The following TMEM132D variants were observed in gnomAD, a reference collection of about 807,000 sequenced individuals.
The protein encoded by TMEM132D is transmembrane protein 132D.
Under a neutral mutation model 62.3 loss-of-function variants are expected in TMEM132D, and 21 were observed. The ratio of observed to expected loss-of-function variants is 0.34; its 90% CI spans 0.24 to 0.49. TMEM132D has a LOEUF of 0.49. Among genes scored for constraint, TMEM132D ranks in the 20% least tolerant of loss-of-function variants. The pLI is 0.99. For missense variants in TMEM132D, 1,346 were observed against 1,402.8 expected (o/e 0.96, Z 0.65); for synonymous variants, 621 against 575.6 (o/e 1.08, Z -1.13).
At chr12:129,428,011 AAATTC>A (rs1872547005) in intron 3 of TMEM132D, among the ~76,000 whole-genome samples, 1 of 152,144 alleles carries the variant, frequency 6.6e-6, no homozygotes, top group Non-Finnish European at 1.5e-5. Flanking sequence ...ACTTCTATAA[AAATTC>A]ATATATAATA....
At position 129,363,434 on chromosome 12, in the gene TMEM132D, T is replaced by C. The variant is rs573168192; in HGVS notation, c.1116-25617A>G. 5.9e-5 allele frequency among the ~76,000 whole-genome samples: 9 copies of C among 152,372 alleles called. No individual in the cohort carries two copies. In the East Asian group the frequency reaches 1.3e-3, roughly 23 times the overall value. On this transcript the variant is annotated intron_variant, in intron 3 of 8. Coordinates refer to ENST00000422113, the MANE Select transcript of TMEM132D (RefSeq NM_133448.3). ...GAGTAAAAGAAATGCTTTACATTCA[T>C]TTGAAAATGCAAACAGGATTATTAA...
At chr12:129,505,345 C>T (rs1394854390) in intron 3 of TMEM132D, among the ~76,000 whole-genome samples, 2 of 151,948 alleles carry the variant, frequency 1.3e-5, no homozygotes, top group African/African-American at 4.8e-5. Context: ...CGGGTTCATG[C>T]CATTCTCCTG....
At chr12:129,301,985 C>T (rs978847130) in intron 4 of TMEM132D, among the ~76,000 whole-genome samples, 1 of 151,682 alleles carries the variant, frequency 6.6e-6, no homozygotes, top group Non-Finnish European at 1.5e-5. Flanking sequence ...AAAAAAAAAA[C>T]GTATTGTCTA....
At chr12:129,600,584 C>T (rs536538906) in intron 2 of TMEM132D, among the ~76,000 whole-genome samples, 84 of 152,198 alleles carry the variant, frequency 5.5e-4, no homozygotes, top group Admixed American at 2.0e-3. Flanking sequence ...AAAGGTATGA[C>T]TTGAAAGCCA....
chr12:129,150,918 C>T (rs1273390555), intron 5 of TMEM132D, among the ~76,000 whole-genome samples: 2 of 152,198 alleles, frequency 1.3e-5, no homozygotes, highest in Non-Finnish European at 2.9e-5. Flanking sequence ...CCCCAGAGTG[C>T]CAGCTGGTGT....
chr12:129,767,691 A>G (rs941987966), intron 1 of TMEM132D, among the ~76,000 whole-genome samples: 1 of 152,212 alleles, frequency 6.6e-6, no homozygotes, highest in Non-Finnish European at 1.5e-5. Context: ...TTAAGGCTAA[A>G]TTATATTCCA....
At chr12:129,445,495 C>T (rs1873071163) in intron 3 of TMEM132D, among the ~76,000 whole-genome samples, 1 of 152,094 alleles carries the variant, frequency 6.6e-6, no homozygotes, top group African/African-American at 2.4e-5. Flanking sequence ...AGACTGTAAG[C>T]CTCTAGATTC....
At chr12:129,364,073 T>C (rs760360254) in intron 3 of TMEM132D, among the ~76,000 whole-genome samples, 13 of 152,202 alleles carry the variant, frequency 8.5e-5, no homozygotes, top group Non-Finnish European at 1.8e-4. Context: ...GAGTTTTTAG[T>C]GTGGAAAGTC....
chr12:129,198,252 A>T (rs1448515625), intron 5 of TMEM132D, among the ~76,000 whole-genome samples: 1 of 152,226 alleles, frequency 6.6e-6, no homozygotes, highest in African/African-American at 2.4e-5. Context: ...GGAGAACCAT[A>T]CGGAGGTTAC....
At chr12:129,084,786 C>A in intron 5 of TMEM132D, 84 bp from the exon 6 acceptor site, 1 of 1,383,696 alleles carries the variant, frequency 7.2e-7, no homozygotes, top group East Asian at 2.4e-5. Context: ...AAGGGAAGTG[C>A]CCTGGCTGGT....
chr12:129,646,800 A>ATT (rs35593697), intron 2 of TMEM132D, among the ~76,000 whole-genome samples: 7,543 of 135,690 alleles, frequency 0.056, 634 homozygotes, highest in African/African-American at 0.18. Flanking sequence ...AATAACATGC[A>ATT]TTTTTTTTTT....
At chr12:129,244,059 A>G (rs1008492904) in intron 4 of TMEM132D, among the ~76,000 whole-genome samples, 4 of 152,188 alleles carry the variant, frequency 2.6e-5, no homozygotes, top group Non-Finnish European at 5.9e-5. Context: ...GGACTGGAGC[A>G]ACAGTGAGGG....
chr12:129,580,564 C>T (rs879483528), intron 2 of TMEM132D, among the ~76,000 whole-genome samples: 6 of 152,040 alleles, frequency 3.9e-5, no homozygotes, highest in South Asian at 2.1e-4. Context: ...ATTAGCTGGG[C>T]GTGGTGGCAT....
At chr12:129,164,662 C>T (rs566792898) in intron 5 of TMEM132D, among the ~76,000 whole-genome samples, 6 of 152,210 alleles carry the variant, frequency 3.9e-5, no homozygotes, top group African/African-American at 1.4e-4. Context: ...CTTCACAAGG[C>T]GGCAGGAAGA....
intron 2 of TMEM132D, among the ~76,000 whole-genome samples, chr12:129,574,526 T>C (rs1175341336): frequency 6.6e-6 from 1 of 151,962 alleles, no homozygotes; most frequent in Non-Finnish European, 1.5e-5. Context: ...GCAGCGATTG[T>C]GTGCAGAGCA....
chr12:129,706,594 G>A (rs1358887587), intron 1 of TMEM132D, among the ~76,000 whole-genome samples: 1 of 151,834 alleles, frequency 6.6e-6, no homozygotes, highest in Non-Finnish European at 1.5e-5. Context: ...GTATAGAAAA[G>A]TAAATAATGA....
intron 1 of TMEM132D, among the ~76,000 whole-genome samples, chr12:129,725,434 C>T (rs2398480): frequency 0.82 from 124,247 of 152,244 alleles, 51,396 homozygotes; most frequent in Non-Finnish European, 0.9. Context: ...TCAGTCAATG[C>T]TGGTGATGCC....
chr12:129,752,430 G>A (rs1215495324), intron 1 of TMEM132D, among the ~76,000 whole-genome samples: 1 of 152,190 alleles, frequency 6.6e-6, no homozygotes, highest in Non-Finnish European at 1.5e-5. Flanking sequence ...AAGAAAGCCA[G>A]CAAATTAAAT....
chr12:129,138,827 A>G (rs541832508), intron 5 of TMEM132D, among the ~76,000 whole-genome samples: 26 of 152,296 alleles, frequency 1.7e-4, no homozygotes, highest in Admixed American at 4.6e-4. Flanking sequence ...TCATTCATCA[A>G]TGTGGATGCT....
Sources: allele counts gnomAD v4.1 joint callset (sites outside exome capture counted in the v4.1 genomes callset), GRCh38; gene constraint gnomAD v4.1.1; transcripts MANE v1.5; gene names NCBI Gene and HGNC (gene_info 2026-07-23, HGNC 2026-07-21).